The following FCHO2 variants were observed in gnomAD, a reference collection of about 807,000 sequenced individuals.
The protein encoded by FCHO2 is FCH and mu domain containing endocytic adaptor 2.
In FCHO2, 43 loss-of-function variants were observed where a neutral mutation model predicts 114.1. The observed-to-expected ratio is 0.38, with a 90% confidence interval of 0.30 to 0.49. The LOEUF is 0.49. FCHO2 is among the 20% of genes least tolerant of loss of function. The pLI is 0.97. For missense variants in FCHO2, 807 were observed against 950.4 expected, an observed-to-expected ratio of 0.85 and a Z score of 1.98; for synonymous variants, 293 against 315.2, an observed-to-expected ratio of 0.93 and a Z score of 0.75.
intron 8 of FCHO2, 90 bp from the exon 9 acceptor site, chr5:73,034,567 G>C: frequency 2.1e-6 from 2 of 941,904 alleles, no homozygotes; most frequent in Non-Finnish European, 3.2e-6. Flanking sequence ...ATTAAAAGTA[G>C]AATAAAAAAT....
rs771783331 is a variant in FCHO2, at chr5:73,077,431, C to T, written c.1785C>T (p.Cys595=). 1.2e-6 allele frequency: 2 copies of T among 1,600,756 alleles called. No homozygotes were observed. Among genetic ancestry groups the T allele is most frequent in the South Asian group, 2.3e-5 (2 of 88,556 alleles). The change falls in exon 21 of 26, where the codon TGC becomes TGT. Residue 595 remains cysteine, a synonymous_variant. Coordinates refer to ENST00000430046, the MANE Select transcript of FCHO2 (RefSeq NM_138782.3). The part of the protein sequence containing the change: ...FTSNPTPAVL[C]FRVKNISRLE... The stretch of plus-strand genomic sequence containing the variant: ...GCAATCCAACTCCAGCTGTGTTGTG[C>T]TTCAGGGTGAAAAATATCAGCAGAC...
chr5:72,956,713 C>G (rs922051655), intron 1 of FCHO2, among the ~76,000 whole-genome samples: 2 of 152,124 alleles, frequency 1.3e-5, no homozygotes, highest in African/African-American at 2.4e-5. Context: ...TGGGCCTGTT[C>G]ACAAAGCGTT....
chr5:73,033,922 C>T (rs553228739), intron 8 of FCHO2, among the ~76,000 whole-genome samples: 1 of 152,262 alleles, frequency 6.6e-6, no homozygotes, highest in South Asian at 2.1e-4. Context: ...ACTTTATCAT[C>T]ATCCTCTTCT....
intron 12 of FCHO2, 129 bp from the exon 13 acceptor site, chr5:73,052,203 G>A (rs62362195): frequency 0.3 from 263,544 of 864,892 alleles, 41,543 homozygotes; most frequent in East Asian, 0.42. Flanking sequence ...GATTACAGGC[G>A]TGAGCCGTCG....
At chr5:73,049,074 C>T (rs1474883800) in intron 11 of FCHO2, among the ~76,000 whole-genome samples, 1 of 151,456 alleles carries the variant, frequency 6.6e-6, no homozygotes, top group East Asian at 1.9e-4. Flanking sequence ...GACGGGGTTT[C>T]ACCGTGTTAG....
chr5:73,073,518 C>T (rs1394234633), intron 19 of FCHO2, among the ~76,000 whole-genome samples: 2 of 152,010 alleles, frequency 1.3e-5, no homozygotes, highest in Non-Finnish European at 2.9e-5. Context: ...AAGTGCCTGG[C>T]ACATGGTGGT....
rs1256223604 is a variant in FCHO2 at position 73,090,011 on chromosome 5, C to T, written c.*1921C>T. ...TTCTAACTGTAATTTGCTTTGCAAT[C>T]AAACTGCTTTTAGGGCAGCCAATAT... On this transcript the variant is annotated 3_prime_UTR_variant, in exon 26 of 26. Transcript: ENST00000430046. The T allele has an allele frequency of 6.6e-6, 1 of 152,550 alleles. No homozygotes were observed. The highest frequency in any genetic ancestry group is 1.5e-5 in the Non-Finnish European group (1 of 67,962). 9.4% of individuals were successfully genotyped at this position (152,550 alleles called of 1,614,324 possible).
intron 15 of FCHO2, 150 bp from the exon 16 acceptor site, chr5:73,055,915 A>C (rs1377196669): frequency 1.8e-6 from 1 of 550,546 alleles, no homozygotes; most frequent in Non-Finnish European, 3.2e-6. Context: ...CACAATAGAA[A>C]ACTTGTTAAA....
At position 73,088,385 on chromosome 5, in the gene FCHO2, G is replaced by A; in HGVS notation, c.*295G>A. On this transcript the variant is annotated 3_prime_UTR_variant, in exon 26 of 26. Coordinates refer to ENST00000430046, the MANE Select transcript of FCHO2 (RefSeq NM_138782.3). ...TTTTTAAATTATTTCCAGTGTCTAT[G>A]TTGAAAAAAAGGGTTATAGTGTAAT... 2.6e-6 allele frequency: 1 copy of A among 378,866 alleles called. No individual in the cohort carries two copies. The highest frequency in any genetic ancestry group is 4.0e-5 in the South Asian group (1 of 24,970). 23.5% of individuals were successfully genotyped at this position (378,866 alleles called of 1,614,324 possible). A position where few individuals can be genotyped will look rare whatever the true frequency, so the allele number is the denominator to read the frequency against.
At chr5:73,075,466 A>G (rs1742869806) in intron 20 of FCHO2, among the ~76,000 whole-genome samples, 1 of 152,156 alleles carries the variant, frequency 6.6e-6, no homozygotes, top group Non-Finnish European at 1.5e-5. Flanking sequence ...TAAACAGGAG[A>G]GTACTTGAAG....
intron 18 of FCHO2, among the ~76,000 whole-genome samples, chr5:73,068,360 A>G (rs1464052960): frequency 6.6e-6 from 1 of 152,100 alleles, no homozygotes; most frequent in South Asian, 2.1e-4. Context: ...GAACGTTTAT[A>G]CTGTTTAAAC....
intron 19 of FCHO2, 92 bp downstream of exon 19, chr5:73,068,871 A>AT: frequency 7.3e-7 from 1 of 1,369,868 alleles, no homozygotes; most frequent in Non-Finnish European, 9.7e-7. Context: ...CTAATGAAGA[A>AT]TTTAACATTA....
At chr5:72,982,999 C>T (rs942694660) in intron 2 of FCHO2, among the ~76,000 whole-genome samples, 6 of 151,734 alleles carry the variant, frequency 4.0e-5, no homozygotes, top group South Asian at 2.1e-4. Flanking sequence ...CCGCAAGCTC[C>T]GCTTCCCGGG....
In FCHO2 at chr5:72,989,452, A is replaced by G. The variant is rs1226643631; in HGVS notation, c.151A>G (p.Arg51Gly). ...AGCTACCATAGAGGAGGCATACTCC[A>G]GGTCAATGACAAAACTAGCAAAATC... is the stretch of plus-strand genomic sequence containing the variant. ...ERATIEEAYS[R>G]SMTKLAKSAS... Residue 51 changes from arginine (R) to glycine (G), a missense_variant, in exon 3 of 26, where the codon AGG becomes GGG. Physicochemically the swap from Arg to Gly is moderately radical, Grantham distance 125 (BLOSUM62 -2). Transcript: ENST00000430046. The G allele has an allele frequency of 1.9e-6, 3 of 1,607,278 alleles. No homozygotes were observed. The Admixed American group carries it at 5.1e-5, about 27-fold the overall frequency.
At chr5:72,974,645 G>C (rs1752757345) in intron 2 of FCHO2, among the ~76,000 whole-genome samples, 1 of 152,012 alleles carries the variant, frequency 6.6e-6, no homozygotes, top group South Asian at 2.1e-4. Flanking sequence ...GATGGGTCTT[G>C]ACTCTTTATC....
intron 8 of FCHO2, chr5:73,021,093 G>C: frequency 1.2e-6 from 1 of 807,730 alleles, no homozygotes; most frequent in South Asian, 1.3e-5. Context: ...TGATGATTCG[G>C]TCCCCCAGTG....
chr5:73,029,275 A>C (rs533998634), intron 8 of FCHO2, among the ~76,000 whole-genome samples: 2 of 152,336 alleles, frequency 1.3e-5, no homozygotes, highest in East Asian at 3.9e-4. Context: ...TATAGACATA[A>C]GTACTATAAT....
intron 1 of FCHO2, among the ~76,000 whole-genome samples, chr5:72,964,500 C>T (rs2112591056): frequency 6.6e-6 from 1 of 152,258 alleles, no homozygotes; most frequent in South Asian, 2.1e-4. Flanking sequence ...TCTCCTGGCT[C>T]AGCCTCCCAA....
chr5:73,051,186 AACT>A, intron 11 of FCHO2, 160 bp from the exon 12 acceptor site: 1 of 503,304 alleles, frequency 2.0e-6, no homozygotes, highest in Non-Finnish European at 3.5e-6. Context: ...GAAGCTAATT[AACT>A]AAAAAGGTGT....
Sources: gnomAD v4.1 joint callset for allele counts (sites outside exome capture counted in the v4.1 genomes callset) on GRCh38, gnomAD v4.1.1 for gene constraint, MANE v1.5 for transcripts, NCBI Gene and HGNC (gene_info 2026-07-23, HGNC 2026-07-21) for gene names.